MAST3: variants seen among roughly 807,000 people sequenced by gnomAD.
MAST3 encodes microtubule associated serine/threonine kinase 3.
Under a neutral mutation model 127.0 loss-of-function variants are expected in MAST3, and 43 were observed. That is an observed-to-expected ratio of 0.34 (90% CI 0.27 to 0.44). The LOEUF (loss-of-function observed/expected upper bound fraction) is 0.44, where lower values mean the gene tolerates loss of function less well. Among genes scored for constraint, MAST3 ranks in the 20% least tolerant of loss-of-function variants. MAST3 has a pLI of 1.00. For synonymous variants in MAST3, 785 were observed against 809.2 expected, an observed-to-expected ratio of 0.97 and a Z score of 0.51; for missense variants, 1,390 against 1,919.1, an observed-to-expected ratio of 0.72 and a Z score of 5.15.
At position 18,141,994 on chromosome 19, in the gene MAST3, G is replaced by T. The variant is rs755699204; in HGVS notation, c.2318G>T (p.Arg773Leu). ...GWERSEVDYGRRLSADIRLRS... is the reference protein window; with the variant it reads ...GWERSEVDYGLRLSADIRLRS... ...GAGCGCAGCGAAGTGGACTATGGCC[G>T]CCGGCTGAGTGCTGACATCCGGTAA... Residue 773 changes from arginine to leucine, a missense_variant, in exon 21 of 28, where the codon CGC becomes CTC. Arg to Leu is a moderately radical substitution (Grantham distance 102). Transcript: ENST00000687212. 5 of 1,510,190 alleles carry T rather than the reference G, an allele frequency of 3.3e-6. No homozygotes were observed. The South Asian group carries it at 5.3e-5, about 16-fold the overall frequency. The allele number at this position is 1,510,190 out of a possible 1,614,324, so 93.5% of individuals were successfully genotyped here.
chr19:18,112,081 C>G lies in MAST3; in HGVS notation c.161+1340C>G, dbSNP rs1251752039. Among the ~76,000 whole-genome samples the G allele has an allele frequency of 1.3e-5, 2 of 152,234 alleles. No individual in the cohort carries two copies. Among genetic ancestry groups the G allele is most frequent in the African/African-American group, 2.4e-5 (1 of 41,456 alleles). ...TGGGGAGGTGATGTTTGAGCCAAGG[C>G]CTGGGCACAGCTAAAGAAAGATTGG... On this transcript the variant is annotated intron_variant, in intron 3 of 27. Coordinates refer to ENST00000687212, the MANE Select transcript of MAST3 (RefSeq NM_001393504.1). The surrounding 1 kb of genome is among the most constrained non-coding windows in gnomAD (Gnocchi z 4.1).
In MAST3 at chr19:18,147,437, C is replaced by A. The variant is rs759691499; in HGVS notation, c.3327-6C>A. On this transcript the variant is annotated splice_polypyrimidine_tract_variant and splice_region_variant and intron_variant, in intron 26 of 27. Coordinates refer to ENST00000687212, the MANE Select transcript of MAST3 (RefSeq NM_001393504.1). ...GGTTCTGAAGCCTCCGGTTTTCTTACCCCAGGCGGAAGTCACTTTTCAAGA... is the reference window on the plus strand; with the variant it reads ...GGTTCTGAAGCCTCCGGTTTTCTTAACCCAGGCGGAAGTCACTTTTCAAGA... 4.3e-6 allele frequency: 7 copies of A among 1,612,816 alleles called. No homozygotes were observed. The East Asian group carries it at 1.3e-4, about 31-fold the overall frequency.
intron 15 of MAST3, 25 bp downstream of exon 15, chr19:18,132,072 G>A (rs760999668): frequency 5.0e-6 from 8 of 1,613,080 alleles, no homozygotes; most frequent in Admixed American, 1.7e-5. Context: ...CATGAGCGGG[G>A]CCTCGCGGAG....
intron 13 of MAST3, 44 bp from the exon 14 acceptor site, chr19:18,130,450 G>T: frequency 1.3e-6 from 2 of 1,530,706 alleles, no homozygotes; most frequent in Non-Finnish European, 1.8e-6. Context: ...TGCCTGCTGG[G>T]GCCTCGATCT....
chr19:18,115,921 G>A (rs1301232954), intron 3 of MAST3, among the ~76,000 whole-genome samples: 1 of 152,140 alleles, frequency 6.6e-6, no homozygotes, highest in Non-Finnish European at 1.5e-5. Context: ...TGCTGCCTCA[G>A]AGAGTTGTGC....
intron 19 of MAST3, 23 bp downstream of exon 19, chr19:18,137,384 G>C (rs372186054): frequency 1.0e-5 from 16 of 1,606,190 alleles, no homozygotes; most frequent in South Asian, 4.4e-5. Flanking sequence ...CCCCCTGGAG[G>C]GGGGGCGGGG....
intron 10 of MAST3, 104 bp from the exon 11 acceptor site, chr19:18,124,538 C>A: frequency 6.9e-7 from 1 of 1,454,052 alleles, no homozygotes; most frequent in Middle Eastern, 1.8e-4. Context: ...GAGTGGAGAC[C>A]CAGTGGGTGA....
intron 19 of MAST3, among the ~76,000 whole-genome samples, chr19:18,138,191 C>T (rs1381238302): frequency 7.9e-6 from 1 of 126,944 alleles, no homozygotes; most frequent in South Asian, 2.7e-4. Flanking sequence ...GCTTGCGCAA[C>T]AAGAGCAAAA....
At chr19:18,100,112 A>ATCTC (rs1310776979) in intron 1 of MAST3, among the ~76,000 whole-genome samples, 3 of 134,782 alleles carry the variant, frequency 2.2e-5, no homozygotes, top group Non-Finnish European at 3.2e-5. Flanking sequence ...AGGCAGAAGG[A>ATCTC]TCTCTCTCTC....
intron 19 of MAST3, 37 bp from the exon 20 acceptor site, chr19:18,138,978 G>A (rs1242631202): frequency 1.5e-5 from 20 of 1,371,296 alleles, no homozygotes; most frequent in Non-Finnish European, 1.9e-5. Flanking sequence ...TCATCTCTGG[G>A]CATCAGGCGT....
At chr19:18,128,736 T>G in intron 12 of MAST3, 130 bp from the exon 13 acceptor site, 2 of 737,312 alleles carry the variant, frequency 2.7e-6, no homozygotes, top group Non-Finnish European at 4.6e-6. Context: ...AGTCAGAAGC[T>G]GAGTTGGAGA....
chr19:18,146,156 G>A (rs2042993100), intron 25 of MAST3, among the ~76,000 whole-genome samples: 1 of 152,170 alleles, frequency 6.6e-6, no homozygotes, highest in Non-Finnish European at 1.5e-5. Flanking sequence ...ACAGGAGGAA[G>A]GGCCGGGCGC....
intron 3 of MAST3, among the ~76,000 whole-genome samples, chr19:18,113,053 G>GATGAA (rs2038813595): frequency 1.3e-5 from 2 of 152,172 alleles, no homozygotes. Context: ...GATGAAGGGA[G>GATGAA]GGACCCGTGT....
Position 18,147,017 on chromosome 19 carries a change from G to A in MAST3, c.3299G>A (p.Arg1100Gln), listed in dbSNP as rs769247962. 18 of 1,573,140 alleles carry A rather than the reference G, an allele frequency of 1.1e-5. No individual in the cohort carries two copies. The highest frequency in any genetic ancestry group is 1.8e-5 in the Admixed American group (1 of 54,082). The change falls in exon 26 of 28, where the codon CGG becomes CAG. Residue 1100 changes from arginine (R) to glutamine (Q), a missense_variant. By Grantham distance (43) the Arg-to-Gln change is conservative (BLOSUM62 1). This residue lies in a region of MAST3 where 816 missense variants were observed against 934.1 expected (regional missense o/e 0.87). Coordinates refer to ENST00000687212, the MANE Select transcript of MAST3 (RefSeq NM_001393504.1). ...AGCCGTCGGCGGGAGACCCAGGATC[G>A]GTGCGCGGCAGTGACCACCAGGGAG... ...KRSRRRETQD[R>Q]CAAVTTRERR...
intron 1 of MAST3, among the ~76,000 whole-genome samples, chr19:18,100,126 C>CTTTTTTTTT (rs201140700): frequency 3.4e-5 from 4 of 117,002 alleles, no homozygotes; most frequent in African/African-American, 1.2e-4. Flanking sequence ...CTCTCTCTCT[C>CTTTTTTTTT]TCTTTTTTTT....
chr19:18,137,899 T>C (rs1389495908), intron 19 of MAST3, among the ~76,000 whole-genome samples: 1 of 152,174 alleles, frequency 6.6e-6, no homozygotes, highest in Non-Finnish European at 1.5e-5. Flanking sequence ...AGGAACATCC[T>C]TTATGTTGGA....
At chr19:18,130,445 G>T (rs1443956780) in intron 13 of MAST3, 49 bp from the exon 14 acceptor site, 1 of 1,518,970 alleles carries the variant, frequency 6.6e-7, no homozygotes, top group Non-Finnish European at 8.9e-7. Context: ...TGTAGTGCCT[G>T]CTGGGGCCTC....
intron 26 of MAST3, 71 bp from the exon 27 acceptor site, chr19:18,147,372 G>T (rs1207362424): frequency 1.4e-6 from 2 of 1,400,194 alleles, no homozygotes; most frequent in Non-Finnish European, 2.0e-6. Flanking sequence ...GAAAGTGCTG[G>T]GATTACAGGT....
In MAST3 at chr19:18,150,176, C is replaced by T. The variant is rs1197735537; in HGVS notation, c.*450C>T. ...TAATTTTTTGTATTTTTAGTACAGA[C>T]GGGGTTTCACCATGTTGGTCAGGCT... On this transcript the variant is annotated 3_prime_UTR_variant, in exon 28 of 28. Transcript: ENST00000687212. 4 of 177,094 alleles carry T rather than the reference C, an allele frequency of 2.3e-5. No homozygotes were observed. The highest frequency in any genetic ancestry group is 1.1e-4 in the South Asian group (1 of 9,396). 11.0% of individuals were successfully genotyped at this position (177,094 alleles called of 1,614,324 possible).
Sources: allele counts gnomAD v4.1 joint callset (sites outside exome capture counted in the v4.1 genomes callset), GRCh38; gene constraint gnomAD v4.1.1; regional missense constraint gnomAD v4.1.1; non-coding constraint Gnocchi (gnomAD v3.1); transcripts MANE v1.5; gene names NCBI Gene and HGNC (gene_info 2026-07-23, HGNC 2026-07-21).